The following CNNM2 variants were observed in gnomAD, a reference collection of about 807,000 sequenced individuals.
CNNM2 encodes the protein cyclin and CBS domain divalent metal cation transport mediator 2.
In CNNM2, 12 loss-of-function variants were observed where a neutral mutation model predicts 66.9. That is an observed-to-expected ratio of 0.18 (90% CI 0.11 to 0.29). The LOEUF (loss-of-function observed/expected upper bound fraction) is 0.29. Ranked by LOEUF, CNNM2 falls within the 10% of genes least tolerant of loss-of-function variation. The pLI, the probability that CNNM2 is intolerant of heterozygous loss-of-function variation, is 1.00. For synonymous variants in CNNM2, 557 were observed against 501.8 expected, an observed-to-expected ratio of 1.11 and a Z score of -1.47; for missense variants, 705 against 1,167.7, an observed-to-expected ratio of 0.60 and a Z score of 5.77.
chr10:102,940,566 C>G (rs1846394935), intron 1 of CNNM2, among the ~76,000 whole-genome samples: 4 of 151,520 alleles, frequency 2.6e-5, no homozygotes, highest in Non-Finnish European at 4.4e-5. Context: ...CTACAGGTGC[C>G]TGCCACCATG....
chr10:103,009,674 CAAAA>C (rs36096913), intron 1 of CNNM2, among the ~76,000 whole-genome samples: 2 of 58,612 alleles, frequency 3.4e-5, no homozygotes, highest in East Asian at 4.9e-4. Context: ...CCTGAGTCTC[CAAAA>C]AAAAAAAAAA....
rs899119873 is a variant in CNNM2, at chr10:102,968,734, G to A, written c.1621+48633G>A. On this transcript the variant is annotated intron_variant, in intron 1 of 7. Coordinates refer to ENST00000369878, the MANE Select transcript of CNNM2 (RefSeq NM_017649.5). The stretch of plus-strand genomic sequence containing the variant: ...TCCTTCCGCCTCATTGCACTGAGTA[G>A]CTGGGACTACATACAGGTGCACGCC... Among the ~76,000 whole-genome samples, 5 of 151,718 alleles carry A rather than the reference G, an allele frequency of 3.3e-5. No homozygotes were observed. In the South Asian group the frequency reaches 6.2e-4, roughly 19 times the overall value.
chr10:102,948,027 T>A (rs948329785), intron 1 of CNNM2, among the ~76,000 whole-genome samples: 2 of 152,108 alleles, frequency 1.3e-5, no homozygotes, highest in African/African-American at 4.8e-5. Context: ...CACTCCAGCC[T>A]GGGGATAGAG....
rs1344509416 is a variant in CNNM2 at position 103,078,153 on chromosome 10, GA to G, written c.*974del. On this transcript the variant is annotated 3_prime_UTR_variant, in exon 8 of 8. Coordinates refer to ENST00000369878, the MANE Select transcript of CNNM2 (RefSeq NM_017649.5). ...CACAGGGCTTTTTCAGTAAACACGT[GA>G]TGTGGAGTGCAAGCTCCTCCCCTTC... 6.6e-6 allele frequency: 1 copy of G among 152,344 alleles called. No individual in the cohort carries two copies. The highest frequency in any genetic ancestry group is 2.4e-5 in the African/African-American group (1 of 41,452). The allele number at this position is 152,344 out of a possible 1,614,324, so 9.4% of individuals were successfully genotyped here.
At chr10:102,969,933 G>A (rs944135570) in intron 1 of CNNM2, among the ~76,000 whole-genome samples, 3 of 152,164 alleles carry the variant, frequency 2.0e-5, no homozygotes, top group Non-Finnish European at 4.4e-5. Flanking sequence ...ATGAGCCACC[G>A]TGCCTGCCTT....
intron 1 of CNNM2, among the ~76,000 whole-genome samples, chr10:102,966,143 G>C: frequency 6.6e-6 from 1 of 152,166 alleles, no homozygotes; most frequent in East Asian, 1.9e-4. Context: ...GCTCAGCATT[G>C]AACGTGATTT....
chr10:102,950,098 A>G (rs1237332514), intron 1 of CNNM2, among the ~76,000 whole-genome samples: 4 of 152,202 alleles, frequency 2.6e-5, no homozygotes, highest in African/African-American at 9.7e-5. Flanking sequence ...GCAGGATGCT[A>G]TGGGCACCCA....
chr10:102,954,600 A>G (rs1180199691), intron 1 of CNNM2, among the ~76,000 whole-genome samples: 1 of 152,170 alleles, frequency 6.6e-6, no homozygotes, highest in Non-Finnish European at 1.5e-5. Context: ...GGACAATGCA[A>G]AGATGATGAC....
chr10:103,021,702 T>C (rs529217273), intron 1 of CNNM2, among the ~76,000 whole-genome samples: 10 of 152,306 alleles, frequency 6.6e-5, no homozygotes, highest in African/African-American at 2.4e-4. Flanking sequence ...TCATTGTTAA[T>C]CATCCGGGTT....
chr10:102,953,460 T>C (rs1205598963), intron 1 of CNNM2, among the ~76,000 whole-genome samples: 3 of 152,212 alleles, frequency 2.0e-5, no homozygotes, highest in South Asian at 2.1e-4. Context: ...GGTTTCACCA[T>C]GTAGGCTAGG....
At chr10:103,008,582 C>T (rs1196827807) in intron 1 of CNNM2, among the ~76,000 whole-genome samples, 4 of 151,988 alleles carry the variant, frequency 2.6e-5, no homozygotes, top group Admixed American at 6.6e-5. Context: ...AATTTGAGAC[C>T]ATCCTGGCCA....
chr10:103,034,506 G>A lies in CNNM2; in HGVS notation c.1622-15201G>A, dbSNP rs754743968. ...CTTAGGTAATTTTTGTTCAGTGACT[G>A]TGACAACAGGACCACATTTTTATGT... On this transcript the variant is annotated intron_variant, in intron 1 of 7. Coordinates refer to ENST00000369878, the MANE Select transcript of CNNM2 (RefSeq NM_017649.5). Among the ~76,000 whole-genome samples the A allele has an allele frequency of 1.8e-3, 273 of 152,270 alleles. 1 individual carries two copies. Among genetic ancestry groups the A allele is most frequent in the Admixed American group, 5.2e-3 (79 of 15,306 alleles).
chr10:102,924,081 A>T (rs959531385), intron 1 of CNNM2, among the ~76,000 whole-genome samples: 1 of 152,210 alleles, frequency 6.6e-6, no homozygotes, highest in African/African-American at 2.4e-5. Flanking sequence ...TTTTGTAGTT[A>T]CTTACAAGTC....
At position 102,918,916 on chromosome 10, in the gene CNNM2, G is replaced by C; in HGVS notation, c.436G>C (p.Gly146Arg). ...CCCCGCGCCGCCAGAGCCGGACAGC[G>C]GCCCCCAGCGATGCGGCATCCGCAC... Reference protein sequence around the residue: ...GGPAPPEPDSGPQRCGIRTSD... With the variant: ...GGPAPPEPDSRPQRCGIRTSD... The change falls in exon 1 of 8, where the codon GGC (glycine) becomes CGC (arginine). Residue 146 changes from glycine (G) to arginine (R), a missense_variant. Transcript: ENST00000369878. This position sits in a 1 kb window ranked among gnomAD's most constrained non-coding sequence, Gnocchi z 4.1. 4 of 1,611,744 alleles carry C rather than the reference G, an allele frequency of 2.5e-6. No homozygotes were observed. Among genetic ancestry groups the C allele is most frequent in the Non-Finnish European group, 3.4e-6 (4 of 1,179,186 alleles).
intron 1 of CNNM2, among the ~76,000 whole-genome samples, chr10:103,032,605 A>C (rs2064848670): frequency 6.6e-6 from 1 of 151,482 alleles, no homozygotes. Context: ...GGAACATACT[A>C]TAATATTCTA....
chr10:103,067,226 G>A (rs1233734679), intron 4 of CNNM2, among the ~76,000 whole-genome samples: 32 of 151,680 alleles, frequency 2.1e-4, no homozygotes, highest in Non-Finnish European at 5.9e-5. Flanking sequence ...ACAGGTGCAC[G>A]CCACCATGCC....
intron 1 of CNNM2, among the ~76,000 whole-genome samples, chr10:102,941,965 C>G (rs1381996881): frequency 1.3e-5 from 2 of 152,166 alleles, no homozygotes; most frequent in African/African-American, 2.4e-5. Flanking sequence ...GATACTAGTA[C>G]TCTTTTATGC....
At position 102,918,913 on chromosome 10, in the gene CNNM2, A is replaced by G. The variant is rs371028392; in HGVS notation, c.433A>G (p.Ser145Gly). ...GGGCCCCGCGCCGCCAGAGCCGGAC[A>G]GCGGCCCCCAGCGATGCGGCATCCG... ...LGGPAPPEPD[S>G]GPQRCGIRTS... The change falls in exon 1 of 8, where the codon AGC becomes GGC. Residue 145 changes from serine to glycine, a missense_variant. Physicochemically the swap from Ser to Gly is moderately conservative, Grantham distance 56. Coordinates refer to ENST00000369878, the MANE Select transcript of CNNM2 (RefSeq NM_017649.5). This position sits in a 1 kb window ranked among gnomAD's most constrained non-coding sequence, Gnocchi z 4.1. 71 of 1,611,572 alleles carry G rather than the reference A, an allele frequency of 4.4e-5. No individual in the cohort carries two copies. In the African/African-American group the frequency reaches 8.6e-4, roughly 19 times the overall value.
chr10:103,010,107 TTTAA>T (rs1488557329), intron 1 of CNNM2, among the ~76,000 whole-genome samples: 17 of 152,352 alleles, frequency 1.1e-4, no homozygotes, highest in African/African-American at 3.6e-4. Flanking sequence ...TTGGGGGATG[TTTAA>T]TTATATATGC....
Sources: gnomAD v4.1 joint callset for allele counts (sites outside exome capture counted in the v4.1 genomes callset) on GRCh38, gnomAD v4.1.1 for gene constraint, Gnocchi (gnomAD v3.1) non-coding constraint, MANE v1.5 for transcripts, NCBI Gene and HGNC (gene_info 2026-07-23, HGNC 2026-07-21) for gene names.